The following SORCS3 variants were observed in gnomAD, a reference collection of about 807,000 sequenced individuals.
SORCS3 encodes VPS10 domain-containing receptor SorCS3.
In SORCS3, 57 loss-of-function variants were observed where a neutral mutation model predicts 146.3. The observed-to-expected ratio is 0.39, with a 90% CI of 0.31 to 0.49. SORCS3 has a LOEUF of 0.49. SORCS3 is among the 20% of genes least tolerant of loss of function. The pLI, the probability that SORCS3 is intolerant of heterozygous loss-of-function variation, is 0.92. For missense variants in SORCS3, 1,341 were observed against 1,575.5 expected, an observed-to-expected ratio of 0.85 and a Z score of 2.52; for synonymous variants, 653 against 618.5, an observed-to-expected ratio of 1.06 and a Z score of -0.83.
intron 1 of SORCS3, among the ~76,000 whole-genome samples, chr10:104,793,875 A>G (rs2017521494): frequency 6.6e-6 from 1 of 152,314 alleles, no homozygotes; most frequent in African/African-American, 2.4e-5. Context: ...ATCTACTAGC[A>G]TTTAGGTGGC....
At chr10:105,152,241 A>G (rs1415686360) in intron 9 of SORCS3, among the ~76,000 whole-genome samples, 2 of 152,214 alleles carry the variant, frequency 1.3e-5, no homozygotes, top group Non-Finnish European at 2.9e-5. Flanking sequence ...AATGCTTTAG[A>G]CCAGCACTGT....
At chr10:104,703,826 G>A (rs913302509) in intron 1 of SORCS3, among the ~76,000 whole-genome samples, 1 of 151,788 alleles carries the variant, frequency 6.6e-6, no homozygotes, top group African/African-American at 2.4e-5. Flanking sequence ...CTCCATCAGG[G>A]TTCCAAACCT....
At chr10:105,089,654 T>G in intron 5 of SORCS3, 121 bp from the exon 6 acceptor site, 1 of 748,532 alleles carries the variant, frequency 1.3e-6, no homozygotes, top group Non-Finnish European at 2.4e-6. Context: ...GTTCCCATAC[T>G]GCAGGATGGT....
chr10:104,996,435 T>C (rs957241807), intron 4 of SORCS3, among the ~76,000 whole-genome samples: 5 of 152,206 alleles, frequency 3.3e-5, no homozygotes, highest in African/African-American at 1.2e-4. Flanking sequence ...ATCAGGTTTA[T>C]TCCTAAACAT....
At chr10:104,755,904 T>A (rs1251436867) in intron 1 of SORCS3, among the ~76,000 whole-genome samples, 1 of 152,188 alleles carries the variant, frequency 6.6e-6, no homozygotes, top group Non-Finnish European at 1.5e-5. Flanking sequence ...GAGTATTTTT[T>A]TGTGGGGGCT....
At chr10:104,806,772 A>G (rs1188731891) in intron 1 of SORCS3, among the ~76,000 whole-genome samples, 2 of 152,258 alleles carry the variant, frequency 1.3e-5, no homozygotes, top group East Asian at 3.8e-4. Flanking sequence ...TCCAACTACA[A>G]AGAAATCATA....
At chr10:105,207,654 A>C (rs1167932647) in intron 16 of SORCS3, among the ~76,000 whole-genome samples, 1 of 152,178 alleles carries the variant, frequency 6.6e-6, no homozygotes, top group East Asian at 1.9e-4. Context: ...GCTGTATGAG[A>C]TATTTTAATA....
intron 1 of SORCS3, among the ~76,000 whole-genome samples, chr10:104,836,537 C>T (rs1473843183): frequency 2.0e-5 from 3 of 152,096 alleles, no homozygotes; most frequent in African/African-American, 7.2e-5. Flanking sequence ...AAAGACAGCT[C>T]CAACTGATTT....
intron 2 of SORCS3, among the ~76,000 whole-genome samples, chr10:104,889,244 G>C (rs1214450788): frequency 2.7e-5 from 4 of 147,038 alleles, no homozygotes; most frequent in Admixed American, 6.8e-5. Flanking sequence ...CTCCAGTGAG[G>C]AGTGTAGACA....
intron 1 of SORCS3, among the ~76,000 whole-genome samples, chr10:104,802,592 A>G (rs2017636370): frequency 6.6e-6 from 1 of 152,164 alleles, no homozygotes; most frequent in Admixed American, 6.5e-5. Context: ...GAGGAAAGAT[A>G]CTCAGTTTCA....
At chr10:105,189,120 C>G (rs753619638) in intron 14 of SORCS3, among the ~76,000 whole-genome samples, 28 of 152,192 alleles carry the variant, frequency 1.8e-4, no homozygotes, top group Admixed American at 3.9e-4. Context: ...GAGAATTTCT[C>G]TTCTTCCCTC....
chr10:105,219,431 T>C (rs999623030), intron 19 of SORCS3, among the ~76,000 whole-genome samples: 1 of 152,202 alleles, frequency 6.6e-6, no homozygotes, highest in African/African-American at 2.4e-5. Flanking sequence ...GCCTGGCATA[T>C]ACCAAAACTC....
At chr10:104,681,675 C>T (rs1362848712) in intron 1 of SORCS3, among the ~76,000 whole-genome samples, 5 of 152,140 alleles carry the variant, frequency 3.3e-5, no homozygotes, top group East Asian at 1.9e-4. Context: ...TGCACCCTCA[C>T]CTCATTCCTG....
chr10:104,687,139 A>G (rs918022810), intron 1 of SORCS3, among the ~76,000 whole-genome samples: 1 of 152,154 alleles, frequency 6.6e-6, no homozygotes, highest in Non-Finnish European at 1.5e-5. Context: ...ACATCCATGC[A>G]TTCATCCATG....
At chr10:105,078,719 A>G (rs2055604813) in intron 5 of SORCS3, among the ~76,000 whole-genome samples, 1 of 152,214 alleles carries the variant, frequency 6.6e-6, no homozygotes, top group Admixed American at 6.5e-5. Flanking sequence ...CAAATGTTTT[A>G]CATACATTTA....
rs184923702 is a variant in SORCS3, at chr10:105,242,050, C to A, written c.2869-3492C>A. On this transcript the variant is annotated intron_variant, in intron 20 of 26. Transcript: ENST00000369701. The stretch of plus-strand genomic sequence containing the variant: ...TCTTTAGCTTGGAGGTGGGGTTTCA[C>A]TGGGTACCCGCCCCTATCTGCCTAG... 3.6e-3 allele frequency among the ~76,000 whole-genome samples: 547 copies of A among 151,968 alleles called. 4 individuals are homozygous for A. Among genetic ancestry groups the A allele is most frequent in the African/African-American group, 0.012 (504 of 41,480 alleles).
chr10:105,105,540 G>T, intron 7 of SORCS3, 25 bp downstream of exon 7: 1 of 1,524,450 alleles, frequency 6.6e-7, no homozygotes, highest in Non-Finnish European at 9.1e-7. Context: ...TGCAGTTGGT[G>T]GTAGGAGGAT....
intron 3 of SORCS3, among the ~76,000 whole-genome samples, chr10:104,954,056 T>C (rs1462840813): frequency 1.3e-5 from 2 of 152,172 alleles, no homozygotes; most frequent in Non-Finnish European, 2.9e-5. Context: ...TCCTAAAAAG[T>C]TTCAGTTGAA....
chr10:105,046,833 C>A (rs185418124), intron 5 of SORCS3, among the ~76,000 whole-genome samples: 2 of 152,058 alleles, frequency 1.3e-5, no homozygotes, highest in Non-Finnish European at 2.9e-5. Flanking sequence ...TGTGACCCTT[C>A]CACTCACTTG....
Sources: gnomAD v4.1 joint callset for allele counts (sites outside exome capture counted in the v4.1 genomes callset) on GRCh38, gnomAD v4.1.1 for gene constraint, MANE v1.5 for transcripts, NCBI Gene and HGNC (gene_info 2026-07-23, HGNC 2026-07-21) for gene names.